Variants in CYYR1 observed in about 807,000 individuals in gnomAD.
The protein encoded by CYYR1 is cysteine and tyrosine-rich protein 1.
In CYYR1, 14 loss-of-function variants were observed where a neutral mutation model predicts 15.2. The ratio of observed to expected loss-of-function variants is 0.92; its 90% CI spans 0.61 to 1.44. The LOEUF is 1.44. Among genes scored for constraint, CYYR1 ranks in the 40% most tolerant of loss-of-function variants. The pLI is 0.00. For synonymous variants in CYYR1, 80 were observed against 77.4 expected (o/e 1.03, Z -0.18); for missense variants, 228 against 209.5 (o/e 1.09, Z -0.54).
intron 2 of CYYR1, among the ~76,000 whole-genome samples, chr21:26,508,438 G>C (rs1464867902): frequency 6.6e-6 from 1 of 152,148 alleles, no homozygotes; most frequent in African/African-American, 2.4e-5. Context: ...AGCTGAATTT[G>C]AGGGGGTAGG....
intron 2 of CYYR1, among the ~76,000 whole-genome samples, chr21:26,553,802 A>G (rs1291348162): frequency 6.6e-6 from 1 of 152,194 alleles, no homozygotes; most frequent in African/African-American, 2.4e-5. Flanking sequence ...ATAATGAGAC[A>G]AAAGCTATTT....
chr21:26,550,616 C>G (rs935429106), intron 2 of CYYR1: 1 of 152,148 alleles, frequency 6.6e-6, no homozygotes, highest in Non-Finnish European at 1.5e-5. Flanking sequence ...GGTAGAAGAT[C>G]AAACCAGCCA....
At chr21:26,505,517 T>C (rs574334386) in intron 2 of CYYR1, among the ~76,000 whole-genome samples, 1 of 152,248 alleles carries the variant, frequency 6.6e-6, no homozygotes, top group Non-Finnish European at 1.5e-5. Flanking sequence ...GAAAAATATA[T>C]GTATTTATTG....
intron 2 of CYYR1, among the ~76,000 whole-genome samples, chr21:26,512,948 C>T (rs772067820): frequency 6.6e-6 from 1 of 152,282 alleles, no homozygotes; most frequent in African/African-American, 2.4e-5. Flanking sequence ...CCTAGCCAAG[C>T]GTTTAACATT....
rs1177703077 is a variant in CYYR1 at position 26,467,263 on chromosome 21, A to C, written c.*1238T>G. 6.6e-6 allele frequency: 1 copy of C among 152,212 alleles called. No individual in the cohort carries two copies. The highest frequency in any genetic ancestry group is 1.5e-5 in the Non-Finnish European group (1 of 68,032). The allele number at this position is 152,212 out of a possible 1,614,324, so 9.4% of individuals were successfully genotyped here. A position where few individuals can be genotyped will look rare whatever the true frequency, so the allele number is the denominator to read the frequency against. On this transcript the variant is annotated 3_prime_UTR_variant, in exon 4 of 4. Coordinates refer to ENST00000652641, the MANE Select transcript of CYYR1 (RefSeq NM_001320768.2). ...TAAATGTTAAGGTCACTCACAGCAA[A>C]ATATGGCACATTAGAATTATTTATT...
chr21:26,524,060 A>T (rs1466433635), intron 2 of CYYR1, among the ~76,000 whole-genome samples: 2 of 152,182 alleles, frequency 1.3e-5, no homozygotes, highest in Non-Finnish European at 2.9e-5. Context: ...GTCCAGGTTT[A>T]CCATTAAGAC....
chr21:26,514,559 A>C (rs1445284140), intron 2 of CYYR1, among the ~76,000 whole-genome samples: 1 of 152,154 alleles, frequency 6.6e-6, no homozygotes, highest in Non-Finnish European at 1.5e-5. Flanking sequence ...GAGCCAAATA[A>C]ACCTATTTTC....
At chr21:26,522,163 T>C (rs887237034) in intron 2 of CYYR1, among the ~76,000 whole-genome samples, 2 of 152,198 alleles carry the variant, frequency 1.3e-5, no homozygotes, top group African/African-American at 4.8e-5. Flanking sequence ...TTAATGAAAA[T>C]TGGCAATATG....
At chr21:26,470,000 A>AATC (rs1265102758) in intron 3 of CYYR1, among the ~76,000 whole-genome samples, 1 of 152,136 alleles carries the variant, frequency 6.6e-6, no homozygotes, top group African/African-American at 2.4e-5. Context: ...CCAGTAGCTG[A>AATC]ATCATCATCA....
intron 1 of CYYR1, among the ~76,000 whole-genome samples, chr21:26,572,342 A>G (rs1040040112): frequency 3.3e-5 from 5 of 152,222 alleles, no homozygotes; most frequent in Non-Finnish European, 7.3e-5. Flanking sequence ...ACAAGTGTCT[A>G]TCTAAATCAA....
chr21:26,561,514 G>C (rs1980199035), intron 2 of CYYR1, among the ~76,000 whole-genome samples: 1 of 152,126 alleles, frequency 6.6e-6, no homozygotes, highest in Admixed American at 6.6e-5. Flanking sequence ...TCACGGTTGT[G>C]ATATTTATTA....
rs1980647291 is a variant in CYYR1 at position 26,566,726 on chromosome 21, T to C, written c.74-358A>G. Among the ~76,000 whole-genome samples, 2 of 152,184 alleles carry C rather than the reference T, an allele frequency of 1.3e-5. 1 individual carries two copies. The highest frequency in any genetic ancestry group is 4.1e-4 in the South Asian group (2 of 4,834). On this transcript the variant is annotated intron_variant, in intron 1 of 3. Transcript: ENST00000652641. ...ATAATTTTTAAATGATAAAGCCTTC[T>C]TGGCCAGGCAAAATGGCTCACGCAT...
At chr21:26,533,252 T>A (rs2065955368) in intron 2 of CYYR1, among the ~76,000 whole-genome samples, 1 of 149,320 alleles carries the variant, frequency 6.7e-6, no homozygotes, top group Non-Finnish European at 1.5e-5. Flanking sequence ...TAAATACTTA[T>A]AAATATTTAT....
chr21:26,474,249 T>G (rs1405112983), intron 3 of CYYR1, among the ~76,000 whole-genome samples: 2 of 151,938 alleles, frequency 1.3e-5, no homozygotes, highest in Admixed American at 1.3e-4. Context: ...GAGACGGGGT[T>G]TCACCATGTT....
At chr21:26,535,141 C>T (rs747169564) in intron 2 of CYYR1, among the ~76,000 whole-genome samples, 13 of 152,072 alleles carry the variant, frequency 8.5e-5, no homozygotes, top group Non-Finnish European at 1.0e-4. Flanking sequence ...GAAAAACTAA[C>T]TATTAGGTAC....
At chr21:26,474,616 T>A (rs1201324322) in intron 3 of CYYR1, among the ~76,000 whole-genome samples, 1 of 152,034 alleles carries the variant, frequency 6.6e-6, no homozygotes, top group Non-Finnish European at 1.5e-5. Context: ...TGGTCTCTCT[T>A]TCCTCCACAA....
intron 3 of CYYR1, among the ~76,000 whole-genome samples, chr21:26,475,077 T>C (rs1261727537): frequency 6.6e-6 from 1 of 152,202 alleles, no homozygotes; most frequent in Non-Finnish European, 1.5e-5. Context: ...TGCACAATGA[T>C]GCTGAATGAT....
At chr21:26,518,158 A>T (rs1223124766) in intron 2 of CYYR1, among the ~76,000 whole-genome samples, 1 of 152,234 alleles carries the variant, frequency 6.6e-6, no homozygotes. Flanking sequence ...TGTCTTGGTT[A>T]TGAAAGTAGA....
intron 2 of CYYR1, among the ~76,000 whole-genome samples, chr21:26,488,123 A>G (rs944728017): frequency 6.6e-6 from 1 of 152,102 alleles, no homozygotes; most frequent in Non-Finnish European, 1.5e-5. Context: ...AATTTACGTG[A>G]TTTATTGACT....
Sources: allele counts gnomAD v4.1 joint callset (sites outside exome capture counted in the v4.1 genomes callset), GRCh38; gene constraint gnomAD v4.1.1; transcripts MANE v1.5; gene names NCBI Gene and HGNC (gene_info 2026-07-23, HGNC 2026-07-21).